Variants in RBPJ observed in about 807,000 individuals in gnomAD.
RBPJ encodes the protein recombination signal binding protein for immunoglobulin kappa J region, also known as recombining binding protein suppressor of hairless.
In RBPJ, 9 loss-of-function variants were observed where a neutral mutation model predicts 67.8. The ratio of observed to expected loss-of-function variants is 0.13; its 90% CI spans 0.08 to 0.23. RBPJ has a LOEUF of 0.23. RBPJ is among the 10% of genes least tolerant of loss of function. The probability of loss-of-function intolerance (pLI) is 1.00; values close to 1 mark genes in which losing one functional copy is unlikely to be tolerated. For missense variants in RBPJ, 305 were observed against 595.6 expected, an observed-to-expected ratio of 0.51 and a Z score of 5.08; for synonymous variants, 198 against 203.3, an observed-to-expected ratio of 0.97 and a Z score of 0.22.
At chr4:26,330,058 C>T (rs1724073127) in intron 1 of RBPJ, among the ~76,000 whole-genome samples, 2 of 152,122 alleles carry the variant, frequency 1.3e-5, no homozygotes, top group South Asian at 4.1e-4. Context: ...AAATTAAAAC[C>T]TGGTGATAAA....
the RBPJ span, among the ~76,000 whole-genome samples, chr4:26,146,874 C>G: frequency 1.3e-5 from 2 of 152,176 alleles, no homozygotes; most frequent in African/African-American, 2.4e-5. Context: ...ACAAATCGAG[C>G]AATCAGGCAC....
chr4:26,380,948 CA>C (rs1215494128), intron 1 of RBPJ, among the ~76,000 whole-genome samples: 1 of 150,004 alleles, frequency 6.7e-6, no homozygotes, highest in Non-Finnish European at 1.5e-5. Context: ...TTTTTTCAGC[CA>C]GCTATGTTTT....
chr4:26,288,409 C>A (rs1001770514), intron 1 of RBPJ, among the ~76,000 whole-genome samples: 1 of 152,158 alleles, frequency 6.6e-6, no homozygotes, highest in Non-Finnish European at 1.5e-5. Flanking sequence ...TGTTTGAGTG[C>A]CCCTCTGGCA....
intron 1 of RBPJ, among the ~76,000 whole-genome samples, chr4:26,182,025 T>C (rs937658319): frequency 2.0e-5 from 3 of 152,260 alleles, no homozygotes; most frequent in Non-Finnish European, 4.4e-5. Context: ...TTTTTACATG[T>C]TAAACTTTTT....
At chr4:26,155,940 G>A in the RBPJ span, among the ~76,000 whole-genome samples, 1 of 152,092 alleles carries the variant, frequency 6.6e-6, no homozygotes, top group Admixed American at 6.5e-5. Flanking sequence ...TTTTATCTGT[G>A]TAATCCAGGT....
intron 1 of RBPJ, among the ~76,000 whole-genome samples, chr4:26,268,185 C>G (rs1008299788): frequency 4.6e-5 from 7 of 152,028 alleles, no homozygotes; most frequent in African/African-American, 1.7e-4. Context: ...TTAAACTTCC[C>G]TCTTTGCTTT....
intron 1 of RBPJ, among the ~76,000 whole-genome samples, chr4:26,250,098 T>G (rs961058725): frequency 6.6e-6 from 1 of 151,910 alleles, no homozygotes; most frequent in African/African-American, 2.4e-5. Context: ...CCGAACTTTT[T>G]CATCATTCCA....
intron 1 of RBPJ, among the ~76,000 whole-genome samples, chr4:26,276,451 T>C (rs1446950018): frequency 6.6e-6 from 1 of 152,162 alleles, no homozygotes; most frequent in Non-Finnish European, 1.5e-5. Context: ...CAAGGCTTGG[T>C]GGTTGTGACG....
chr4:26,297,038 T>C (rs770775838), intron 1 of RBPJ, among the ~76,000 whole-genome samples: 4 of 152,326 alleles, frequency 2.6e-5, no homozygotes, highest in East Asian at 1.9e-4. Context: ...TTCATGTCTG[T>C]AATTCCACCA....
the RBPJ span, among the ~76,000 whole-genome samples, chr4:26,106,865 C>CTGAA: frequency 1.3e-5 from 2 of 152,070 alleles, no homozygotes. Flanking sequence ...CTGGGAGAGA[C>CTGAA]TGAATGAGGA....
At chr4:26,222,883 T>C (rs1172135790) in intron 1 of RBPJ, among the ~76,000 whole-genome samples, 2 of 151,606 alleles carry the variant, frequency 1.3e-5, no homozygotes, top group African/African-American at 2.4e-5. Flanking sequence ...TGGCCAGGCG[T>C]GGTGGCTCAA....
chr4:26,210,720 T>TTTCCTTCC (rs55831777), intron 1 of RBPJ, among the ~76,000 whole-genome samples: 32 of 70,904 alleles, frequency 4.5e-4, no homozygotes, highest in African/African-American at 1.7e-3. Context: ...TCTTTCCTTC[T>TTTCCTTCC]TTCTTTCCTT....
chr4:26,262,892 C>G (rs1369994976), intron 1 of RBPJ, among the ~76,000 whole-genome samples: 2 of 152,182 alleles, frequency 1.3e-5, no homozygotes, highest in African/African-American at 4.8e-5. Flanking sequence ...ATCAATCCAT[C>G]AGGCTTCCCA....
intron 4 of RBPJ, among the ~76,000 whole-genome samples, chr4:26,416,508 G>A (rs919496984): frequency 1.2e-4 from 19 of 152,176 alleles, no homozygotes; most frequent in African/African-American, 4.3e-4. Context: ...GGGATTACGG[G>A]TGTGTGCCAC....
At chr4:26,429,797 T>A in intron 8 of RBPJ, 101 bp from the exon 9 acceptor site, 1 of 947,390 alleles carries the variant, frequency 1.1e-6, no homozygotes, top group Non-Finnish European at 1.6e-6. Flanking sequence ...TACTGAGTTA[T>A]CTTCTTATTA....
chr4:26,260,476 A>G (rs1415032632), intron 1 of RBPJ, among the ~76,000 whole-genome samples: 1 of 152,080 alleles, frequency 6.6e-6, no homozygotes, highest in African/African-American at 2.4e-5. Flanking sequence ...TACTTGCTGA[A>G]TCTATAGTCA....
At chr4:26,358,724 A>C (rs931561403) in intron 1 of RBPJ, among the ~76,000 whole-genome samples, 4 of 151,770 alleles carry the variant, frequency 2.6e-5, no homozygotes, top group African/African-American at 9.7e-5. Context: ...TTGAGGCTGC[A>C]GTGAGCCATA....
At chr4:26,278,542 C>G (rs1484617255) in intron 1 of RBPJ, among the ~76,000 whole-genome samples, 4 of 152,202 alleles carry the variant, frequency 2.6e-5, no homozygotes, top group African/African-American at 9.6e-5. Flanking sequence ...ATGGACAGGA[C>G]ACATCTGCAT....
At chr4:26,151,302 G>T in the RBPJ span, among the ~76,000 whole-genome samples, 77 of 152,256 alleles carry the variant, frequency 5.1e-4, no homozygotes, top group African/African-American at 1.5e-3. Flanking sequence ...AGCATAAAAT[G>T]GTTGCCAGCA....
Sources: allele counts gnomAD v4.1 joint callset (sites outside exome capture counted in the v4.1 genomes callset), GRCh38; gene constraint gnomAD v4.1.1; transcripts MANE v1.5; gene names NCBI Gene and HGNC (gene_info 2026-07-23, HGNC 2026-07-21).